The following GPR141 variants were observed in gnomAD, a reference collection of about 807,000 sequenced individuals.
GPR141 encodes probable G protein-coupled receptor 141.
GPR141 carries 6 observed loss-of-function variants against 6.8 expected under a neutral mutation model. The ratio of observed to expected loss-of-function variants is 0.88; its 90% CI spans 0.48 to 1.74. GPR141 has a LOEUF of 1.74. Ranked by LOEUF, GPR141 falls within the 40% of genes most tolerant of loss-of-function variation. GPR141 has a pLI of 0.01. For missense variants in GPR141, 372 were observed against 372.9 expected, an observed-to-expected ratio of 1.00 and a Z score of 0.02; for synonymous variants, 140 against 142.3, an observed-to-expected ratio of 0.98 and a Z score of 0.11.
chr7:37,714,621 A>C (rs1454385577), intron 2 of GPR141, among the ~76,000 whole-genome samples: 2 of 152,228 alleles, frequency 1.3e-5, no homozygotes, highest in Admixed American at 1.3e-4. Context: ...AGTCAAACTA[A>C]TTTCAATTTA....
chr7:37,721,550 G>T (rs1811329029), intron 2 of GPR141, among the ~76,000 whole-genome samples: 1 of 152,154 alleles, frequency 6.6e-6, no homozygotes, highest in South Asian at 2.1e-4. Flanking sequence ...TGGTGGTGTG[G>T]TGTTTTCCAT....
At chr7:37,696,189 G>A (rs1044614933) in intron 2 of GPR141, among the ~76,000 whole-genome samples, 5 of 152,072 alleles carry the variant, frequency 3.3e-5, no homozygotes, top group South Asian at 2.1e-4. Context: ...TTATAATAAC[G>A]TTATTATAAA....
chr7:37,716,565 G>A (rs1347040764), intron 2 of GPR141, among the ~76,000 whole-genome samples: 1 of 152,104 alleles, frequency 6.6e-6, no homozygotes, highest in Non-Finnish European at 1.5e-5. Flanking sequence ...GGGCTCCAAA[G>A]AACAAAAATT....
chr7:37,726,274 G>A (rs1811620522), intron 2 of GPR141, among the ~76,000 whole-genome samples: 1 of 152,182 alleles, frequency 6.6e-6, no homozygotes, highest in Admixed American at 6.5e-5. Flanking sequence ...AGCCATTGGA[G>A]GATTGAGATA....
chr7:37,733,671 C>CAAAAAAAAAAAAA (rs55943222), intron 2 of GPR141, among the ~76,000 whole-genome samples: 2 of 101,286 alleles, frequency 2.0e-5, no homozygotes, highest in Admixed American at 1.0e-4. Context: ...AACTCCATCT[C>CAAAAAAAAAAAAA]AAAAAAAAAA....
rs1812579821 is a variant in GPR141, at chr7:37,741,802, A to G, written c.*491A>G. Among the ~76,000 whole-genome samples, 1 of 152,180 alleles carries G rather than the reference A, an allele frequency of 6.6e-6. No individual in the cohort carries two copies. Among genetic ancestry groups the G allele is most frequent in the Non-Finnish European group, 1.5e-5 (1 of 68,030 alleles). ...GTCCCATTCATCTCATGCCCTGATA[A>G]AAACTGATAAGGGGAGAGAATAGTT... On this transcript the variant is annotated 3_prime_UTR_variant, in exon 3 of 3. Transcript: ENST00000334425.
chr7:37,688,852 GA>G (rs1809633398), intron 2 of GPR141, among the ~76,000 whole-genome samples: 1 of 152,130 alleles, frequency 6.6e-6, no homozygotes, highest in Non-Finnish European at 1.5e-5. Flanking sequence ...ACTAAAGAGA[GA>G]GTCTGCCATA....
intron 2 of GPR141, among the ~76,000 whole-genome samples, chr7:37,736,625 G>T (rs1812254454): frequency 6.6e-6 from 1 of 152,060 alleles, no homozygotes; most frequent in Non-Finnish European, 1.5e-5. Flanking sequence ...ATGATGAAAG[G>T]CAAGAGACAA....
chr7:37,710,267 T>C (rs1442673778), intron 2 of GPR141, among the ~76,000 whole-genome samples: 2 of 152,168 alleles, frequency 1.3e-5, no homozygotes, highest in East Asian at 3.8e-4. Flanking sequence ...TATGGAAAAT[T>C]TGAAATCTGT....
intron 2 of GPR141, among the ~76,000 whole-genome samples, chr7:37,722,974 CCTTCCTT>C (rs964915388): frequency 1.2e-4 from 18 of 144,584 alleles, no homozygotes; most frequent in African/African-American, 4.7e-4. Context: ...TTCCTTCCTT[CCTTCCTT>C]CTTTCTTTCT....
At chr7:37,724,583 TC>T (rs1306977511) in intron 2 of GPR141, among the ~76,000 whole-genome samples, 2 of 152,210 alleles carry the variant, frequency 1.3e-5, no homozygotes, top group African/African-American at 4.8e-5. Flanking sequence ...GGAGCTGCCA[TC>T]CCAGAATCTT....
rs578213286 is a variant in GPR141 at position 37,686,851 on chromosome 7, A to G, written c.-15+1268A>G. 1.6e-4 allele frequency among the ~76,000 whole-genome samples: 24 copies of G among 152,260 alleles called. No individual in the cohort carries two copies. The South Asian group carries it at 4.8e-3, about 30-fold the overall frequency. The stretch of plus-strand genomic sequence containing the variant: ...GAGTGAAATTTGTGGAATTTAATTA[A>G]CATAGGAGAGAGAAATACTTTTTAC... On this transcript the variant is annotated intron_variant, in intron 2 of 2. Transcript: ENST00000334425.
chr7:37,719,197 A>C (rs1430689832), intron 2 of GPR141, among the ~76,000 whole-genome samples: 1 of 152,184 alleles, frequency 6.6e-6, no homozygotes, highest in East Asian at 1.9e-4. Flanking sequence ...CTGCTTGGTA[A>C]CCAGCACTAT....
chr7:37,733,710 A>C (rs1312594945), intron 2 of GPR141, among the ~76,000 whole-genome samples: 1 of 151,598 alleles, frequency 6.6e-6, no homozygotes, highest in Non-Finnish European at 1.5e-5. Flanking sequence ...AGAAAAAAAA[A>C]GTATTGCTAG....
chr7:37,718,524 A>G (rs2597273), intron 2 of GPR141, among the ~76,000 whole-genome samples: 4,437 of 55,350 alleles, frequency 0.08, 134 homozygotes, highest in South Asian at 0.12. Context: ...AGGAAGGAAG[A>G]AAGGAAGGAA....
intron 2 of GPR141, among the ~76,000 whole-genome samples, chr7:37,714,245 C>T (rs962170479): frequency 2.0e-5 from 3 of 152,070 alleles, no homozygotes; most frequent in African/African-American, 7.3e-5. Context: ...TTTACAGGGA[C>T]TGGGATGCAG....
Position 37,740,885 on chromosome 7 carries a change from G to A in GPR141, c.492G>A (p.Glu164=), listed in dbSNP as rs201057852. The change falls in exon 3 of 3, where the codon GAG becomes GAA. Residue 164 remains glutamate (E), a synonymous_variant. Transcript: ENST00000334425. ...GAATCCATGAGGAATACAATGAGGA[G>A]CACTGTTTTAAATTTCACAAAGAGC... is the stretch of plus-strand genomic sequence containing the variant. ...RYGIHEEYNE[E]HCFKFHKELA... 42 of 1,613,890 alleles carry A rather than the reference G, an allele frequency of 2.6e-5. No individual in the cohort carries two copies. The highest frequency in any genetic ancestry group is 3.5e-5 in the Non-Finnish European group (41 of 1,179,902).
chr7:37,690,334 G>T (rs1377654642), intron 2 of GPR141, among the ~76,000 whole-genome samples: 1 of 152,150 alleles, frequency 6.6e-6, no homozygotes, highest in African/African-American at 2.4e-5. Flanking sequence ...TGGGTCGTGG[G>T]AGCAGATCCC....
chr7:37,690,111 A>G (rs538992900), intron 2 of GPR141, among the ~76,000 whole-genome samples: 1 of 152,286 alleles, frequency 6.6e-6, no homozygotes, highest in African/African-American at 2.4e-5. Context: ...ATTTATTTCA[A>G]GAAATTTTAA....
Sources: allele counts gnomAD v4.1 joint callset (sites outside exome capture counted in the v4.1 genomes callset), GRCh38; gene constraint gnomAD v4.1.1; transcripts MANE v1.5; gene names NCBI Gene and HGNC (gene_info 2026-07-23, HGNC 2026-07-21).